UGT1A4: variants seen among roughly 807,000 people sequenced by gnomAD.
UGT1A4 encodes UDP glucuronosyltransferase family 1 member A4, also known as UDP-glucuronosyltransferase 1A4.
A neutral mutation model predicts 41.1 loss-of-function variants in UGT1A4; 32 were observed. That is an observed-to-expected ratio of 0.78 (90% CI 0.59 to 1.05). The LOEUF is 1.05. Among genes scored for constraint, UGT1A4 ranks in the 50% least tolerant of loss-of-function variants. The probability of loss-of-function intolerance (pLI) is 0.00; values close to 1 mark genes in which losing one functional copy is unlikely to be tolerated. For synonymous variants in UGT1A4, 283 were observed against 265.1 expected (o/e 1.07, Z -0.66); for missense variants, 748 against 677.4 (o/e 1.10, Z -1.16).
chr2:233,744,381 A>G (rs186112546), intron 1 of UGT1A4, among the ~76,000 whole-genome samples: 6 of 151,986 alleles, frequency 3.9e-5, no homozygotes, highest in East Asian at 3.9e-4. Flanking sequence ...CAGTTCTCCA[A>G]CGTTCCAGCC....
At chr2:233,757,646 G>T (rs1696690182) in intron 1 of UGT1A4, among the ~76,000 whole-genome samples, 1 of 150,442 alleles carries the variant, frequency 6.6e-6, no homozygotes, top group South Asian at 2.1e-4. Context: ...ACAAAATGCT[G>T]TTTTTCTGGG....
chr2:233,725,201 GGCA>G (rs1432389183), intron 1 of UGT1A4, among the ~76,000 whole-genome samples: 1 of 92,970 alleles, frequency 1.1e-5, no homozygotes, highest in Non-Finnish European at 1.9e-5. Context: ...CAGAGGCAGA[GGCA>G]GAGGCAGAGG....
At chr2:233,726,450 A>G (rs538330915) in intron 1 of UGT1A4, among the ~76,000 whole-genome samples, 2 of 152,312 alleles carry the variant, frequency 1.3e-5, no homozygotes, top group South Asian at 4.1e-4. Context: ...TTTCCACTGA[A>G]TGTAAGCTCA....
intron 1 of UGT1A4, among the ~76,000 whole-genome samples, chr2:233,757,409 T>C (rs1456650401): frequency 6.6e-6 from 1 of 151,334 alleles, no homozygotes; most frequent in Non-Finnish European, 1.5e-5. Context: ...ATGCAGGGTC[T>C]AGAACGAAAA....
chr2:233,729,131 C>T, intron 1 of UGT1A4: 1 of 1,613,182 alleles, frequency 6.2e-7, no homozygotes, highest in Non-Finnish European at 8.5e-7. Flanking sequence ...GCTGAGATGG[C>T]CACAGGACTC....
intron 1 of UGT1A4, chr2:233,760,277 G>T: frequency 6.2e-7 from 1 of 1,612,686 alleles, no homozygotes. Context: ...TCTGGCAGGA[G>T]CAAAGGCGCC....
intron 1 of UGT1A4, among the ~76,000 whole-genome samples, chr2:233,766,597 G>A (rs1228112720): frequency 6.6e-6 from 1 of 152,126 alleles, no homozygotes; most frequent in Non-Finnish European, 1.5e-5. Flanking sequence ...CCTCGCCAGG[G>A]ACCACACCCT....
Position 233,769,834 on chromosome 2 carries a change from G to T in UGT1A4, c.1307+1395G>T. ...CATGCCACTGCACTCCAGCAACCTG[G>T]GCAACAGAGTGAGACCCTGTCTCAA... On this transcript the variant is annotated intron_variant, in intron 4 of 4. Coordinates refer to ENST00000373409, the MANE Select transcript of UGT1A4 (RefSeq NM_007120.3). The surrounding 1 kb of genome is among the most constrained non-coding windows in gnomAD (Gnocchi z 4.4). 1.5e-6 allele frequency: 1 copy of T among 687,902 alleles called. No individual in the cohort carries two copies. The highest frequency in any genetic ancestry group is 2.2e-6 in the Non-Finnish European group (1 of 463,396). The allele number at this position is 687,902 out of a possible 1,614,324, so 42.6% of individuals were successfully genotyped here.
chr2:233,744,538 A>C (rs4663967), intron 1 of UGT1A4, among the ~76,000 whole-genome samples: 82,778 of 151,254 alleles, frequency 0.55, 24,850 homozygotes, highest in African/African-American at 0.8. Context: ...TTTTATGTAA[A>C]TTTTATTAAG....
At chr2:233,728,376 T>C (rs1983023) in intron 1 of UGT1A4, among the ~76,000 whole-genome samples, 69,101 of 151,732 alleles carry the variant, frequency 0.46, 17,142 homozygotes, top group African/African-American at 0.66. Context: ...ACCATGGGTC[T>C]TTGCTAGGGT....
At chr2:233,764,847 C>G (rs1361860386) in intron 1 of UGT1A4, among the ~76,000 whole-genome samples, 2 of 147,962 alleles carry the variant, frequency 1.4e-5, no homozygotes, top group Non-Finnish European at 3.0e-5. Flanking sequence ...ATGACTCTGT[C>G]CTCCCTGACT....
chr2:233,769,824 C>A lies in UGT1A4; in HGVS notation c.1307+1385C>A. On this transcript the variant is annotated intron_variant, in intron 4 of 4. Transcript: ENST00000373409. This position sits in a 1 kb window ranked among gnomAD's most constrained non-coding sequence, Gnocchi z 4.4. The stretch of plus-strand genomic sequence containing the variant: ...GAGCCGTGATCATGCCACTGCACTC[C>A]AGCAACCTGGGCAACAGAGTGAGAC... 2 of 763,338 alleles carry A rather than the reference C, an allele frequency of 2.6e-6. No homozygotes were observed. The highest frequency in any genetic ancestry group is 3.7e-6 in the Non-Finnish European group (2 of 534,878). The allele number at this position is 763,338 out of a possible 1,614,324, so 47.3% of individuals were successfully genotyped here. A position where few individuals can be genotyped will look rare whatever the true frequency, so the allele number is the denominator to read the frequency against.
chr2:233,765,190 A>G (rs186057259), intron 1 of UGT1A4, among the ~76,000 whole-genome samples: 22 of 152,308 alleles, frequency 1.4e-4, no homozygotes, highest in Admixed American at 5.2e-4. Flanking sequence ...ACATCACACA[A>G]TCATATTAGT....
At chr2:233,750,281 G>C (rs1417802179) in intron 1 of UGT1A4, among the ~76,000 whole-genome samples, 1 of 151,952 alleles carries the variant, frequency 6.6e-6, no homozygotes, top group Non-Finnish European at 1.5e-5. Context: ...CAAAGAGACT[G>C]GTGGCATTTT....
chr2:233,724,266 G>A (rs1189985435), intron 1 of UGT1A4, among the ~76,000 whole-genome samples: 3 of 135,606 alleles, frequency 2.2e-5, no homozygotes, highest in Non-Finnish European at 4.8e-5. Flanking sequence ...CTCCCGGACG[G>A]GGCGGCTGGC....
intron 1 of UGT1A4, among the ~76,000 whole-genome samples, chr2:233,727,276 C>G (rs1480742457): frequency 6.6e-6 from 1 of 152,140 alleles, no homozygotes; most frequent in Non-Finnish European, 1.5e-5. Context: ...CATCTCCAGA[C>G]CCTGGAAGCT....
At chr2:233,733,027 T>A (rs2078348048) in intron 1 of UGT1A4, among the ~76,000 whole-genome samples, 1 of 152,200 alleles carries the variant, frequency 6.6e-6, no homozygotes, top group Non-Finnish European at 1.5e-5. Context: ...GTCCTTCACA[T>A]CCCTTTTAAG....
At chr2:233,739,280 A>G (rs1046520383) in intron 1 of UGT1A4, among the ~76,000 whole-genome samples, 11 of 152,210 alleles carry the variant, frequency 7.2e-5, no homozygotes, top group African/African-American at 2.7e-4. Context: ...GCCCCCACAC[A>G]GAGTCTCCAC....
rs879478240 is a variant in UGT1A4, at chr2:233,725,179, G to GAGAGGC, written c.867+5528_867+5533dup. On this transcript the variant is annotated intron_variant, in intron 1 of 4. Coordinates refer to ENST00000373409, the MANE Select transcript of UGT1A4 (RefSeq NM_007120.3). ...CTCTGCATGAGAGGGAGACCGTGGGGAGAGGCAGAGGCAGAGGCAGAGGCA... is the reference window on the plus strand; with the variant it reads ...CTCTGCATGAGAGGGAGACCGTGGGGAGAGGCAGAGGCAGAGGCAGAGGCAGAGGCA... Among the ~76,000 whole-genome samples the GAGAGGC allele has an allele frequency of 9.9e-4, 67 of 67,614 alleles. 14 individuals carry two copies. The highest frequency in any genetic ancestry group is 3.6e-3 in the East Asian group (12 of 3,306). 44.4% of individuals were successfully genotyped at this position (67,614 alleles called of 152,430 possible). A position where few individuals can be genotyped will look rare whatever the true frequency, so the allele number is the denominator to read the frequency against.
Sources: allele counts gnomAD v4.1 joint callset (sites outside exome capture counted in the v4.1 genomes callset), GRCh38; gene constraint gnomAD v4.1.1; non-coding constraint Gnocchi (gnomAD v3.1); transcripts MANE v1.5; gene names NCBI Gene and HGNC (gene_info 2026-07-23, HGNC 2026-07-21).